RNF150: variants seen among roughly 807,000 people sequenced by gnomAD.
The protein encoded by RNF150 is ring finger protein 150.
A neutral mutation model predicts 39.3 loss-of-function variants in RNF150; 24 were observed. That is an observed-to-expected ratio of 0.61 (90% confidence interval 0.44 to 0.86). The LOEUF is 0.86. Among genes scored for constraint, RNF150 ranks in the 40% least tolerant of loss-of-function variants. RNF150 has a pLI of 0.00. For missense variants in RNF150, 502 were observed against 587.8 expected, an observed-to-expected ratio of 0.85 and a Z score of 1.51; for synonymous variants, 255 against 227.3, an observed-to-expected ratio of 1.12 and a Z score of -1.10.
intron 1 of RNF150, among the ~76,000 whole-genome samples, chr4:141,060,519 T>C (rs1447622866): frequency 6.6e-6 from 1 of 152,166 alleles, no homozygotes; most frequent in Non-Finnish European, 1.5e-5. Context: ...AGGGTTATGG[T>C]GGATAATAGT....
chr4:141,029,913 C>G (rs1005604840), intron 1 of RNF150, among the ~76,000 whole-genome samples: 14 of 152,142 alleles, frequency 9.2e-5, no homozygotes, highest in African/African-American at 3.4e-4. Flanking sequence ...AAAGAGATGC[C>G]TGGCCAGGCG....
chr4:141,156,272 T>C (rs1214465703), intron 1 of RNF150, among the ~76,000 whole-genome samples: 2 of 152,138 alleles, frequency 1.3e-5, no homozygotes, highest in African/African-American at 4.8e-5. Flanking sequence ...CATATGAAGA[T>C]TATAGTATAT....
In RNF150 at chr4:141,132,425, G is replaced by T; in HGVS notation, c.384C>A (p.Tyr128Ter). ...GGAACGCGTTCCGGATCTTATCCCTGTACGTGCAGTTGCCCTTGGGGATGA... is the reference window on the plus strand; with the variant it reads ...GGAACGCGTTCCGGATCTTATCCCTTTACGTGCAGTTGCCCTTGGGGATGA... ...IALIPKGNCT[Y>*]RDKIRNAFLQ... Residue 128 changes from tyrosine (Y) to a stop codon, truncating the protein, a stop_gained, in exon 1 of 7, where the codon TAC becomes TAA. Coordinates refer to ENST00000515673, the MANE Select transcript of RNF150 (RefSeq NM_020724.2). LOFTEE classifies it high-confidence loss of function. This position sits in a 1 kb window ranked among gnomAD's most constrained non-coding sequence, Gnocchi z 4.9. The T allele has an allele frequency of 6.2e-7, 1 of 1,610,098 alleles. No homozygotes were observed.
chr4:141,177,338 A>G (rs917443526), intron 1 of RNF150, among the ~76,000 whole-genome samples: 2 of 152,270 alleles, frequency 1.3e-5, no homozygotes, highest in East Asian at 3.9e-4. Context: ...GCCCAAGTTC[A>G]TGTTTCTACT....
At chr4:141,173,356 T>C (rs1727761706) in intron 1 of RNF150, among the ~76,000 whole-genome samples, 1 of 152,240 alleles carries the variant, frequency 6.6e-6, no homozygotes, top group East Asian at 1.9e-4. Context: ...CACTGTATGT[T>C]TGTTGCAAAA....
intron 6 of RNF150, among the ~76,000 whole-genome samples, chr4:140,890,362 A>G (rs1729716281): frequency 6.6e-6 from 1 of 152,162 alleles, no homozygotes; most frequent in Non-Finnish European, 1.5e-5. Flanking sequence ...CCCAACAGAG[A>G]AACCTTTAGG....
At chr4:141,000,019 AGAAG>A (rs1734569810) in intron 1 of RNF150, among the ~76,000 whole-genome samples, 4 of 39,064 alleles carry the variant, frequency 1.0e-4, no homozygotes, top group East Asian at 5.7e-4. Flanking sequence ...AAGAAGAAGA[AGAAG>A]AAGAAGAAGA....
chr4:141,106,088 C>A (rs1434230261), intron 1 of RNF150, among the ~76,000 whole-genome samples: 2 of 152,192 alleles, frequency 1.3e-5, no homozygotes, highest in Non-Finnish European at 2.9e-5. Context: ...TCAAAGTGTT[C>A]ACATCTTCTA....
At chr4:140,948,974 A>C (rs987991780) in intron 3 of RNF150, among the ~76,000 whole-genome samples, 1 of 152,254 alleles carries the variant, frequency 6.6e-6, no homozygotes, top group African/African-American at 2.4e-5. Flanking sequence ...ACTGGCTGCT[A>C]GAAAGCCCCA....
intron 2 of RNF150, among the ~76,000 whole-genome samples, chr4:140,953,647 A>C (rs1732629401): frequency 6.6e-6 from 1 of 152,164 alleles, no homozygotes; most frequent in Non-Finnish European, 1.5e-5. Flanking sequence ...GCTTATTCCT[A>C]AGTGACATGA....
chr4:140,872,954 G>GGTTTTT (rs1045514356), intron 6 of RNF150, among the ~76,000 whole-genome samples: 2 of 152,118 alleles, frequency 1.3e-5, no homozygotes, highest in South Asian at 2.1e-4. Context: ...AGAGATGAGA[G>GGTTTTT]GTTTTTGTTT....
At chr4:141,185,135 A>G (rs1727981895) in intron 1 of RNF150, among the ~76,000 whole-genome samples, 1 of 152,080 alleles carries the variant, frequency 6.6e-6, no homozygotes, top group South Asian at 2.1e-4. Context: ...GGCCATTTTC[A>G]TGATATGGAT....
chr4:140,944,638 G>A (rs1341908144), intron 4 of RNF150: 2 of 152,178 alleles, frequency 1.3e-5, no homozygotes, highest in African/African-American at 2.4e-5. Context: ...TGACACAAGA[G>A]TATAATTTGG....
rs78237186 is a variant in RNF150 at position 141,093,700 on chromosome 4, A to G, written c.484+38625T>C. Reference sequence around the variant, plus strand: ...TATTCTCCTAGAAGGAGAACTCTATAAACATCTGCCTTGAGAAATTCTCAT... The same window carrying G: ...TATTCTCCTAGAAGGAGAACTCTATGAACATCTGCCTTGAGAAATTCTCAT... On this transcript the variant is annotated intron_variant, in intron 1 of 6. Coordinates refer to ENST00000515673, the MANE Select transcript of RNF150 (RefSeq NM_020724.2). Among the ~76,000 whole-genome samples, 475 of 152,304 alleles carry G rather than the reference A, an allele frequency of 3.1e-3. 1 individual carries two copies. The highest frequency in any genetic ancestry group is 0.017 in the Middle Eastern group (5 of 294).
At chr4:140,902,912 C>A (rs1730239173) in intron 6 of RNF150, among the ~76,000 whole-genome samples, 1 of 152,136 alleles carries the variant, frequency 6.6e-6, no homozygotes, top group Non-Finnish European at 1.5e-5. Flanking sequence ...CTTCACTAGT[C>A]TTAAGAATGT....
At position 140,954,858 on chromosome 4, in the gene RNF150, A is replaced by G. The variant is rs552267212; in HGVS notation, c.736-5486T>C. Among the ~76,000 whole-genome samples the G allele has an allele frequency of 2.0e-5, 3 of 152,358 alleles. No individual in the cohort carries two copies. In the South Asian group the frequency reaches 6.2e-4, roughly 32 times the overall value. Reference sequence around the variant, plus strand: ...GAAAGTGATAAAAAAAATTTGGAACATAAGGATTCCAAAACATAGCATCAA... The same window carrying G: ...GAAAGTGATAAAAAAAATTTGGAACGTAAGGATTCCAAAACATAGCATCAA... On this transcript the variant is annotated intron_variant, in intron 2 of 6. Coordinates refer to ENST00000515673, the MANE Select transcript of RNF150 (RefSeq NM_020724.2).
intron 1 of RNF150, among the ~76,000 whole-genome samples, chr4:141,040,519 A>G (rs17006819): frequency 0.025 from 3,814 of 152,296 alleles, 152 homozygotes; most frequent in African/African-American, 0.084. Flanking sequence ...GAGCCATGAC[A>G]AAACTAATGC....
chr4:141,103,726 T>G (rs1238255051), intron 1 of RNF150, among the ~76,000 whole-genome samples: 1 of 151,848 alleles, frequency 6.6e-6, no homozygotes, highest in Non-Finnish European at 1.5e-5. Context: ...GAATTTTTTT[T>G]GAACTACAGT....
chr4:141,133,994 A>G (rs376438145), upstream of RNF150, among the ~76,000 whole-genome samples: 1 of 152,212 alleles, frequency 6.6e-6, no homozygotes, highest in African/African-American at 2.4e-5. Flanking sequence ...TCTAACAACC[A>G]TTCTGTTAAG....
Sources: gnomAD v4.1 joint callset for allele counts (sites outside exome capture counted in the v4.1 genomes callset) on GRCh38, gnomAD v4.1.1 for gene constraint, Gnocchi (gnomAD v3.1) non-coding constraint, MANE v1.5 for transcripts, NCBI Gene and HGNC (gene_info 2026-07-23, HGNC 2026-07-21) for gene names.